GABRB1: variants seen among roughly 807,000 people sequenced by gnomAD.
GABRB1 encodes the protein gamma-aminobutyric acid receptor subunit beta-1.
GABRB1 carries 17 observed loss-of-function variants against 51.6 expected under a neutral mutation model. The observed-to-expected ratio is 0.33, with a 90% CI of 0.23 to 0.49. GABRB1 has a LOEUF of 0.49. GABRB1 is among the 20% of genes least tolerant of loss of function. GABRB1 has a pLI of 0.99. For missense variants in GABRB1, 410 were observed against 600.6 expected, an observed-to-expected ratio of 0.68 and a Z score of 3.32; for synonymous variants, 247 against 218.9, an observed-to-expected ratio of 1.13 and a Z score of -1.14.
intron 4 of GABRB1, among the ~76,000 whole-genome samples, chr4:47,292,920 G>C (rs1560317613): frequency 6.6e-6 from 1 of 152,146 alleles, no homozygotes; most frequent in Non-Finnish European, 1.5e-5. Context: ...AGCACTCATG[G>C]CCAAGTCACC....
chr4:47,350,257 T>A, intron 5 of GABRB1, among the ~76,000 whole-genome samples: 3 of 114,134 alleles, frequency 2.6e-5, no homozygotes, highest in Non-Finnish European at 5.3e-5. Context: ...TTTAAGGCAT[T>A]CATTAATGTG....
At chr4:47,003,170 G>C (rs1439171481) in intron 1 of GABRB1, among the ~76,000 whole-genome samples, 1 of 152,168 alleles carries the variant, frequency 6.6e-6, no homozygotes, top group Non-Finnish European at 1.5e-5. Context: ...ATCTTCACAT[G>C]TCACTTGCCT....
At chr4:47,385,382 T>A (rs886936209) in intron 5 of GABRB1, among the ~76,000 whole-genome samples, 18 of 152,306 alleles carry the variant, frequency 1.2e-4, no homozygotes, top group Admixed American at 1.0e-3. Flanking sequence ...CAGTCACAAT[T>A]TATTTTCATT....
chr4:47,335,300 ATTC>A (rs1319607636), intron 5 of GABRB1, among the ~76,000 whole-genome samples: 1 of 152,010 alleles, frequency 6.6e-6, no homozygotes, highest in Non-Finnish European at 1.5e-5. Flanking sequence ...GAACTCCCCT[ATTC>A]TTGTTGTTGT....
At chr4:47,266,436 G>A (rs893250576) in intron 4 of GABRB1, among the ~76,000 whole-genome samples, 9 of 152,104 alleles carry the variant, frequency 5.9e-5, no homozygotes, top group Non-Finnish European at 1.2e-4. Context: ...TACATTTTAG[G>A]ATTGTTTTTT....
At chr4:47,244,201 T>C (rs1360994664) in intron 4 of GABRB1, among the ~76,000 whole-genome samples, 1 of 152,208 alleles carries the variant, frequency 6.6e-6, no homozygotes, top group Non-Finnish European at 1.5e-5. Context: ...GATTTGCATA[T>C]GTTGAACCAG....
At chr4:47,287,902 C>T (rs1343211838) in intron 4 of GABRB1, among the ~76,000 whole-genome samples, 2 of 152,142 alleles carry the variant, frequency 1.3e-5, no homozygotes, top group East Asian at 3.9e-4. Flanking sequence ...TTAACCCTAC[C>T]AACAACCTTG....
intron 4 of GABRB1, among the ~76,000 whole-genome samples, chr4:47,314,434 A>T (rs1724811858): frequency 6.6e-6 from 1 of 152,026 alleles, no homozygotes; most frequent in African/African-American, 2.4e-5. Flanking sequence ...CAATGGTTCA[A>T]TATTATATTT....
intron 5 of GABRB1, among the ~76,000 whole-genome samples, chr4:47,342,488 C>T (rs1397872562): frequency 1.3e-5 from 2 of 152,122 alleles, no homozygotes; most frequent in African/African-American, 4.8e-5. Flanking sequence ...TAAAGCCAGA[C>T]CTGTCATTAC....
chr4:47,137,186 G>A (rs1032266158), intron 3 of GABRB1, among the ~76,000 whole-genome samples: 1 of 152,110 alleles, frequency 6.6e-6, no homozygotes, highest in Non-Finnish European at 1.5e-5. Flanking sequence ...CTTGGGATAG[G>A]TATCAGGAAA....
upstream of GABRB1, among the ~76,000 whole-genome samples, chr4:47,027,588 T>C (rs911166335): frequency 6.6e-6 from 1 of 151,530 alleles, no homozygotes; most frequent in Non-Finnish European, 1.5e-5. Context: ...AGAGGATAAA[T>C]TGATATGCAA....
intron 5 of GABRB1, among the ~76,000 whole-genome samples, chr4:47,346,915 G>A (rs1163721210): frequency 6.6e-6 from 1 of 152,194 alleles, no homozygotes; most frequent in Admixed American, 6.5e-5. Flanking sequence ...AGCTGGACTG[G>A]AGGATGAGTG....
intron 3 of GABRB1, among the ~76,000 whole-genome samples, chr4:47,140,531 A>G (rs1275749811): frequency 1.3e-5 from 2 of 151,960 alleles, no homozygotes; most frequent in Admixed American, 1.3e-4. Flanking sequence ...CAATGATCAC[A>G]TTTGCCAGGT....
At chr4:47,171,735 G>A (rs1718441538) in intron 4 of GABRB1, among the ~76,000 whole-genome samples, 1 of 152,090 alleles carries the variant, frequency 6.6e-6, no homozygotes, top group Admixed American at 6.5e-5. Context: ...CATTTACAAT[G>A]ATAGTTCCTC....
Position 47,364,273 on chromosome 4 carries a change from A to G in GABRB1, c.545-39045A>G, listed in dbSNP as rs544344838. Among the ~76,000 whole-genome samples the G allele has an allele frequency of 3.9e-5, 6 of 152,298 alleles. No homozygotes were observed. In the South Asian group the frequency reaches 1.2e-3, roughly 32 times the overall value. ...GGGAATAATTAAAAAGTGGAAGGAC[A>G]AAGGCCTCCAAACTGTCCAATTTAC... On this transcript the variant is annotated intron_variant, in intron 5 of 8. Transcript: ENST00000295454.
intron 5 of GABRB1, among the ~76,000 whole-genome samples, chr4:47,364,302 A>G (rs1726904420): frequency 1.3e-5 from 2 of 152,216 alleles, no homozygotes; most frequent in African/African-American, 4.8e-5. Context: ...AATTTACTTT[A>G]TGAGTATTCT....
chr4:47,212,353 G>A (rs935909736), intron 4 of GABRB1, among the ~76,000 whole-genome samples: 1 of 152,172 alleles, frequency 6.6e-6, no homozygotes, highest in Non-Finnish European at 1.5e-5. Context: ...GAGGAGAATG[G>A]TAAGAGACAG....
intron 4 of GABRB1, among the ~76,000 whole-genome samples, chr4:47,243,673 A>G (rs1201394460): frequency 1.3e-5 from 2 of 152,122 alleles, no homozygotes; most frequent in African/African-American, 4.8e-5. Flanking sequence ...TTCACTCATG[A>G]TTTGGCTCTC....
chr4:47,339,460 A>G (rs767554001), intron 5 of GABRB1, among the ~76,000 whole-genome samples: 2 of 152,036 alleles, frequency 1.3e-5, no homozygotes, highest in South Asian at 2.1e-4. Flanking sequence ...ATCTTTATCA[A>G]TCTCCACTAA....
Sources: gnomAD v4.1 joint callset for allele counts (sites outside exome capture counted in the v4.1 genomes callset) on GRCh38, gnomAD v4.1.1 for gene constraint, MANE v1.5 for transcripts, NCBI Gene and HGNC (gene_info 2026-07-23, HGNC 2026-07-21) for gene names.